Variants in RAP1A observed in about 807,000 individuals in gnomAD.
The protein encoded by RAP1A is ras-related protein Rap-1A.
In RAP1A, 6 loss-of-function variants were observed where a neutral mutation model predicts 26.4. The ratio of observed to expected loss-of-function variants is 0.23; its 90% CI spans 0.12 to 0.45. The LOEUF (loss-of-function observed/expected upper bound fraction) is 0.45, where lower values mean the gene tolerates loss of function less well. RAP1A is among the 20% of genes least tolerant of loss of function. The pLI is 0.99. For synonymous variants in RAP1A, 73 were observed against 79.4 expected, an observed-to-expected ratio of 0.92 and a Z score of 0.43; for missense variants, 121 against 217.2, an observed-to-expected ratio of 0.56 and a Z score of 2.78.
At chr1:111,609,818 T>C (rs1477174180) in intron 1 of RAP1A, among the ~76,000 whole-genome samples, 1 of 152,102 alleles carries the variant, frequency 6.6e-6, no homozygotes, top group Non-Finnish European at 1.5e-5. Context: ...GTATTTTTAG[T>C]AGAGATGGGT....
chr1:111,608,233 C>G (rs1241673994), intron 1 of RAP1A: 1 of 158,026 alleles, frequency 6.3e-6, no homozygotes, highest in African/African-American at 2.5e-5. Flanking sequence ...GGGTCGCGGC[C>G]GGGTAGAGGC....
chr1:111,639,096 C>CTG (rs869123138), intron 1 of RAP1A, among the ~76,000 whole-genome samples: 1 of 68,386 alleles, frequency 1.5e-5, no homozygotes, highest in Non-Finnish European at 3.2e-5. Flanking sequence ...ATTTTGGACT[C>CTG]TTTCTGCTAT....
chr1:111,605,093 TA>T (rs1557862967), intron 1 of RAP1A, among the ~76,000 whole-genome samples: 2 of 152,096 alleles, frequency 1.3e-5, no homozygotes, highest in African/African-American at 4.8e-5. Flanking sequence ...TTGTAAGAGG[TA>T]ACAGCCAACA....
At chr1:111,648,955 C>T (rs186011430) in intron 1 of RAP1A, 1 of 674,586 alleles carries the variant, frequency 1.5e-6, no homozygotes, top group Admixed American at 1.8e-5. Flanking sequence ...AAGAACAGCT[C>T]TTCGTTGAGA....
intron 1 of RAP1A, among the ~76,000 whole-genome samples, chr1:111,659,724 TTA>T (rs1283818124): frequency 6.6e-6 from 1 of 152,158 alleles, no homozygotes; most frequent in African/African-American, 2.4e-5. Context: ...ATTGAACATT[TTA>T]TGTTACTTCA....
chr1:111,588,033 A>G (rs1228745531), intron 1 of RAP1A, among the ~76,000 whole-genome samples: 1 of 152,128 alleles, frequency 6.6e-6, no homozygotes, highest in African/African-American at 2.4e-5. Flanking sequence ...ACAGCCTCAA[A>G]TCTCTACGCC....
chr1:111,678,759 T>TG (rs1186056789), intron 1 of RAP1A, among the ~76,000 whole-genome samples: 66 of 146,076 alleles, frequency 4.5e-4, no homozygotes, highest in African/African-American at 1.6e-3. Context: ...ACTGTTCAGG[T>TG]GGGTTTTTTT....
At chr1:111,606,109 A>G (rs1658769727) in intron 1 of RAP1A, among the ~76,000 whole-genome samples, 1 of 152,194 alleles carries the variant, frequency 6.6e-6, no homozygotes, top group Non-Finnish European at 1.5e-5. Context: ...AGCAGGCCAG[A>G]AGCAAGGCTG....
intron 1 of RAP1A, among the ~76,000 whole-genome samples, chr1:111,645,176 A>T (rs984136992): frequency 6.6e-6 from 1 of 152,164 alleles, no homozygotes; most frequent in Non-Finnish European, 1.5e-5. Context: ...AACTAGCTCG[A>T]CTGTTGATTA....
chr1:111,547,877 C>T (rs1007278617), intron 1 of RAP1A, among the ~76,000 whole-genome samples: 1 of 152,230 alleles, frequency 6.6e-6, no homozygotes, highest in African/African-American at 2.4e-5. Context: ...AAAACACTCT[C>T]ATAATAAGCA....
intron 1 of RAP1A, among the ~76,000 whole-genome samples, chr1:111,561,916 G>GC (rs1373574154): frequency 6.6e-6 from 1 of 151,380 alleles, no homozygotes; most frequent in Non-Finnish European, 1.5e-5. Flanking sequence ...TCTCCTCCTT[G>GC]CCCCTGGCCT....
At chr1:111,571,833 A>C (rs1191121877) in intron 1 of RAP1A, among the ~76,000 whole-genome samples, 1 of 152,238 alleles carries the variant, frequency 6.6e-6, no homozygotes, top group Non-Finnish European at 1.5e-5. Flanking sequence ...GAGAGGATAG[A>C]TAAAATGGCA....
At chr1:111,605,727 T>A (rs969342521) in intron 1 of RAP1A, among the ~76,000 whole-genome samples, 5 of 152,206 alleles carry the variant, frequency 3.3e-5, no homozygotes, top group South Asian at 2.1e-4. Context: ...GCAATAGGAT[T>A]GGGCTGTGCC....
At chr1:111,672,454 A>G (rs476515) in intron 1 of RAP1A, among the ~76,000 whole-genome samples, 62,865 of 151,932 alleles carry the variant, frequency 0.41, 13,238 homozygotes, top group African/African-American at 0.49. Flanking sequence ...TCGAGTCTAA[A>G]TCTCTGATGA....
At chr1:111,649,426 G>T in intron 1 of RAP1A, 1 of 355,190 alleles carries the variant, frequency 2.8e-6, no homozygotes, top group South Asian at 2.6e-5. Context: ...GGGACACGGA[G>T]ATCTGGGAAC....
intron 1 of RAP1A, among the ~76,000 whole-genome samples, chr1:111,688,922 C>A (rs1224777316): frequency 6.6e-6 from 1 of 150,930 alleles, no homozygotes; most frequent in Non-Finnish European, 1.5e-5. Flanking sequence ...GCAACCTCTG[C>A]CTTCCGAGCT....
chr1:111,551,768 T>TTTG (rs1159285171), intron 1 of RAP1A, among the ~76,000 whole-genome samples: 70 of 132,404 alleles, frequency 5.3e-4, no homozygotes, highest in Admixed American at 1.6e-3. Context: ...TTTGTTTTGT[T>TTTG]TTTTTGAGAT....
chr1:111,661,227 A>T (rs972275137), intron 1 of RAP1A, among the ~76,000 whole-genome samples: 2 of 152,192 alleles, frequency 1.3e-5, no homozygotes, highest in African/African-American at 4.8e-5. Context: ...GAAATCACTG[A>T]AGTATCTGAA....
intron 1 of RAP1A, among the ~76,000 whole-genome samples, chr1:111,684,038 T>C (rs1661388704): frequency 6.6e-6 from 1 of 152,150 alleles, no homozygotes; most frequent in African/African-American, 2.4e-5. Flanking sequence ...ATCCATCACA[T>C]AAACAGAACC....
Sources: allele counts gnomAD v4.1 joint callset (sites outside exome capture counted in the v4.1 genomes callset), GRCh38; gene constraint gnomAD v4.1.1; transcripts MANE v1.5; gene names NCBI Gene and HGNC (gene_info 2026-07-23, HGNC 2026-07-21).